Variants in PRKCQ observed in about 807,000 individuals in gnomAD.
PRKCQ encodes protein kinase C theta.
Under a neutral mutation model 91.2 loss-of-function variants are expected in PRKCQ, and 41 were observed. The observed-to-expected ratio is 0.45, with a 90% CI of 0.35 to 0.58. The LOEUF (loss-of-function observed/expected upper bound fraction) is 0.58. PRKCQ is among the 20% of genes least tolerant of loss of function. The probability of loss-of-function intolerance (pLI) is 0.00; values close to 1 mark genes in which losing one functional copy is unlikely to be tolerated. For synonymous variants in PRKCQ, 307 were observed against 316.9 expected (o/e 0.97, Z 0.33); for missense variants, 673 against 896.5 (o/e 0.75, Z 3.18).
chr10:6,571,306 C>T (rs1841037259), intron 1 of PRKCQ, among the ~76,000 whole-genome samples: 1 of 152,162 alleles, frequency 6.6e-6, no homozygotes, highest in Non-Finnish European at 1.5e-5. Context: ...GGTCCTTCCC[C>T]AGCAGCAAGG....
At chr10:6,404,811 C>T in the PRKCQ span, among the ~76,000 whole-genome samples, 2 of 129,246 alleles carry the variant, frequency 1.5e-5, no homozygotes, top group African/African-American at 5.7e-5. Context: ...TTCTCTCTCT[C>T]TTTCATTCTT....
chr10:6,527,686 G>C (rs989476750), intron 1 of PRKCQ, among the ~76,000 whole-genome samples: 1 of 152,102 alleles, frequency 6.6e-6, no homozygotes, highest in Non-Finnish European at 1.5e-5. Context: ...TCACAACCCT[G>C]TGTCACAGCA....
intron 1 of PRKCQ, among the ~76,000 whole-genome samples, chr10:6,529,136 G>A (rs1417919692): frequency 2.0e-5 from 3 of 152,158 alleles, no homozygotes; most frequent in African/African-American, 7.2e-5. Flanking sequence ...TTTAGAAGTG[G>A]CTGATTGGGA....
Position 6,568,287 on chromosome 10 carries a change from G to A in PRKCQ, c.-10+11924C>T, listed in dbSNP as rs373583351. ...CCCCAAAACTAACAAAAAAAATTAT[G>A]ATTTTGTTTTGAAGAAGACTTAAAA... On this transcript the variant is annotated intron_variant, in intron 1 of 17. Coordinates refer to ENST00000263125, the MANE Select transcript of PRKCQ (RefSeq NM_006257.5). Among the ~76,000 whole-genome samples, 38 of 151,956 alleles carry A rather than the reference G, an allele frequency of 2.5e-4. 2 individuals are homozygous for A. The highest frequency in any genetic ancestry group is 2.5e-3 in the Admixed American group (38 of 15,270).
chr10:6,538,338 C>T (rs1018929783), intron 1 of PRKCQ, among the ~76,000 whole-genome samples: 3 of 152,182 alleles, frequency 2.0e-5, no homozygotes, highest in East Asian at 1.9e-4. Context: ...TGCTGGACCT[C>T]GGGGAAGCTA....
the PRKCQ span, among the ~76,000 whole-genome samples, chr10:6,413,629 CCACTT>C: frequency 1.6e-4 from 12 of 76,474 alleles, 3 homozygotes; most frequent in African/African-American, 4.9e-4. Flanking sequence ...GGATTAAATG[CCACTT>C]GTGCACACAC....
chr10:6,432,570 C>A (rs1165629107), intron 16 of PRKCQ, among the ~76,000 whole-genome samples: 1 of 152,134 alleles, frequency 6.6e-6, no homozygotes, highest in Non-Finnish European at 1.5e-5. Flanking sequence ...AAAGCCACTG[C>A]ACGGTGGAAA....
intron 15 of PRKCQ, among the ~76,000 whole-genome samples, chr10:6,451,099 A>G (rs1458238837): frequency 2.6e-5 from 4 of 151,220 alleles, no homozygotes; most frequent in African/African-American, 7.3e-5. Flanking sequence ...AAGGAAATAG[A>G]GACACAAAAA....
rs1347860152 is a variant in PRKCQ, at chr10:6,479,041, G to C, written c.1304C>G (p.Ala435Gly). The change falls in exon 12 of 18, where the codon GCC (alanine) becomes GGC (glycine). Residue 435 changes from alanine to glycine, a missense_variant. Coordinates refer to ENST00000263125, the MANE Select transcript of PRKCQ (RefSeq NM_006257.5). Reference protein sequence around the residue: ...TMVEKRVLSLAWEHPFLTHMF... With the variant: ...TMVEKRVLSLGWEHPFLTHMF... Reference sequence around the variant, plus strand: ...GTGCGTCAGAAACGGATGCTCCCAGGCCAAGGAAAGAACTCTCTTCTCTAC... The same window carrying C: ...GTGCGTCAGAAACGGATGCTCCCAGCCCAAGGAAAGAACTCTCTTCTCTAC... The C allele has an allele frequency of 6.2e-7, 1 of 1,614,064 alleles. No homozygotes were observed. The highest frequency in any genetic ancestry group is 2.2e-5 in the East Asian group (1 of 44,892).
intron 1 of PRKCQ, among the ~76,000 whole-genome samples, chr10:6,572,231 T>C (rs560956431): frequency 1.3e-5 from 2 of 152,152 alleles, no homozygotes; most frequent in Non-Finnish European, 2.9e-5. Flanking sequence ...CTTTAATTTT[T>C]ATTTTTATTT....
Position 6,464,371 on chromosome 10 carries a change from C to G in PRKCQ, c.1387G>C (p.Gly463Arg). Residue 463 changes from glycine to arginine, a missense_variant, in exon 13 of 18, where the codon GGA (glycine) becomes CGA (arginine). Gly to Arg is a moderately radical substitution (Grantham distance 125, BLOSUM62 -2). Transcript: ENST00000263125. ...TGGATGTGGTACATTAAGTCCCCTC[C>G]GTTGAGGTACTCCATCACAAAAAAG... The part of the protein sequence containing the change: ...NLFFVMEYLN[G>R]GDLMYHIQSC... The G allele has an allele frequency of 2.5e-6, 4 of 1,612,766 alleles. No homozygotes were observed. Among genetic ancestry groups the G allele is most frequent in the Non-Finnish European group, 3.4e-6 (4 of 1,179,672 alleles).
chr10:6,564,972 A>G (rs1249511312), intron 1 of PRKCQ, among the ~76,000 whole-genome samples: 1 of 152,262 alleles, frequency 6.6e-6, no homozygotes, highest in Non-Finnish European at 1.5e-5. Flanking sequence ...CTTTTTAAAA[A>G]GCGGTTTTCA....
chr10:6,517,588 CTTTTTTTTTTTTTTTTTTT>C (rs56306878), intron 1 of PRKCQ, among the ~76,000 whole-genome samples: 2 of 49,482 alleles, frequency 4.0e-5, no homozygotes, highest in Admixed American at 3.3e-4. Flanking sequence ...AAGATAGCAT[CTTTTTTTTTTTTTTTTTTT>C]TTTTTTTTTT....
chr10:6,412,777 A>C, the PRKCQ span, among the ~76,000 whole-genome samples: 1 of 152,198 alleles, frequency 6.6e-6, no homozygotes, highest in African/African-American at 2.4e-5. Context: ...ACCAATGTGC[A>C]CACTGGTATA....
chr10:6,528,040 C>T (rs1436361786), intron 1 of PRKCQ, among the ~76,000 whole-genome samples: 1 of 152,088 alleles, frequency 6.6e-6, no homozygotes, highest in African/African-American at 2.4e-5. Flanking sequence ...ACACATTTAC[C>T]TTATCTTATG....
chr10:6,464,435 A>T (rs546555427), intron 12 of PRKCQ, 31 bp from the exon 13 acceptor site: 1 of 1,499,860 alleles, frequency 6.7e-7, no homozygotes, highest in Admixed American at 1.9e-5. Flanking sequence ...TCCAACTTTT[A>T]TTTCATTTCA....
chr10:6,562,137 C>T (rs576315619), intron 1 of PRKCQ, among the ~76,000 whole-genome samples: 31 of 152,156 alleles, frequency 2.0e-4, no homozygotes, highest in African/African-American at 7.2e-4. Flanking sequence ...GGTGGACGCT[C>T]GTGGGTAAGG....
At chr10:6,426,006 GGAC>G (rs1198171130), downstream of PRKCQ, among the ~76,000 whole-genome samples, 3 of 152,114 alleles carry the variant, frequency 2.0e-5, no homozygotes, top group Non-Finnish European at 2.9e-5. Flanking sequence ...AGTGAGGAGA[GGAC>G]GACTGGAAGG....
chr10:6,528,224 C>T (rs1839265904), intron 1 of PRKCQ, among the ~76,000 whole-genome samples: 1 of 152,048 alleles, frequency 6.6e-6, no homozygotes. Flanking sequence ...CAAACTTTAG[C>T]TCAATAAACC....
Sources: gnomAD v4.1 joint callset for allele counts (sites outside exome capture counted in the v4.1 genomes callset) on GRCh38, gnomAD v4.1.1 for gene constraint, MANE v1.5 for transcripts, NCBI Gene and HGNC (gene_info 2026-07-23, HGNC 2026-07-21) for gene names.